The following SEMA3E variants were observed in gnomAD, a reference collection of about 807,000 sequenced individuals.
SEMA3E encodes semaphorin-3E.
Under a neutral mutation model 93.6 loss-of-function variants are expected in SEMA3E, and 49 were observed. The observed-to-expected ratio is 0.52, with a 90% CI of 0.42 to 0.66. SEMA3E has a LOEUF of 0.66. Among genes scored for constraint, SEMA3E ranks in the 30% least tolerant of loss-of-function variants. The pLI, the probability that SEMA3E is intolerant of heterozygous loss-of-function variation, is 0.00. For missense variants in SEMA3E, 906 were observed against 964.8 expected (o/e 0.94, Z 0.81); for synonymous variants, 363 against 330.7 (o/e 1.10, Z -1.06).
chr7:83,591,347 G>A (rs886885025), intron 1 of SEMA3E, among the ~76,000 whole-genome samples: 7 of 151,904 alleles, frequency 4.6e-5, no homozygotes, highest in African/African-American at 1.2e-4. Context: ...TTTTGTTACT[G>A]TTAAAATGCT....
intron 10 of SEMA3E, among the ~76,000 whole-genome samples, chr7:83,402,269 T>C (rs1788246354): frequency 1.3e-5 from 2 of 151,948 alleles, no homozygotes; most frequent in Non-Finnish European, 2.9e-5. Flanking sequence ...AAATTATATG[T>C]GGTGCTAACT....
intron 1 of SEMA3E, among the ~76,000 whole-genome samples, chr7:83,538,624 G>T (rs1200126989): frequency 6.6e-6 from 1 of 152,056 alleles, no homozygotes; most frequent in Admixed American, 6.6e-5. Flanking sequence ...AAATGATTAA[G>T]ATATAAAATG....
chr7:83,384,651 A>T (rs114517562), intron 16 of SEMA3E, among the ~76,000 whole-genome samples: 1 of 151,788 alleles, frequency 6.6e-6, no homozygotes, highest in Non-Finnish European at 1.5e-5. Context: ...ACATTCTTTT[A>T]TCCAGTAACT....
At position 83,365,135 on chromosome 7, in the gene SEMA3E, T is replaced by C. The variant is rs1172169879; in HGVS notation, c.*2451A>G. The C allele has an allele frequency of 1.3e-5, 2 of 151,650 alleles. No homozygotes were observed. The highest frequency in any genetic ancestry group is 2.9e-5 in the Non-Finnish European group (2 of 68,006). The allele number at this position is 151,650 out of a possible 1,614,324, so 9.4% of individuals were successfully genotyped here. On this transcript the variant is annotated 3_prime_UTR_variant, in exon 17 of 17. Transcript: ENST00000643230. ...GGCAGTGAAGATTTATTTTATAGTA[T>C]GTGAGGGGTGTGTGTGTGTGTGTGT...
At chr7:83,607,553 A>G (rs1253668525) in intron 1 of SEMA3E, among the ~76,000 whole-genome samples, 3 of 152,346 alleles carry the variant, frequency 2.0e-5, no homozygotes, top group African/African-American at 7.2e-5. Context: ...CTATACAAAT[A>G]TAAACTGGGT....
intron 1 of SEMA3E, among the ~76,000 whole-genome samples, chr7:83,541,504 T>C (rs1441057219): frequency 2.0e-5 from 3 of 152,102 alleles, no homozygotes; most frequent in East Asian, 3.9e-4. Flanking sequence ...TCTCTGTCAG[T>C]TTCTCTCCTC....
chr7:83,387,867 A>ATATATATGTTTATATATATATAACG (rs1562756873), intron 14 of SEMA3E, among the ~76,000 whole-genome samples: 21 of 139,626 alleles, frequency 1.5e-4, no homozygotes, highest in African/African-American at 5.5e-4. Context: ...TATATATAAC[A>ATATATATGTTTATATATATATAACG]TTATATATAT....
chr7:83,482,852 T>A (rs927379703), intron 2 of SEMA3E, among the ~76,000 whole-genome samples: 1 of 152,048 alleles, frequency 6.6e-6, no homozygotes, highest in Non-Finnish European at 1.5e-5. Context: ...AAATAGATTT[T>A]AAAAAATTGG....
chr7:83,619,672 A>G (rs922523469), intron 1 of SEMA3E, among the ~76,000 whole-genome samples: 1 of 151,922 alleles, frequency 6.6e-6, no homozygotes, highest in Admixed American at 6.6e-5. Flanking sequence ...GGATATACTA[A>G]GAAGGAGTTA....
chr7:83,648,628 G>T lies in SEMA3E; in HGVS notation c.-86C>A. The T allele has an allele frequency of 1.0e-6, 1 of 960,828 alleles. No homozygotes were observed. Among genetic ancestry groups the T allele is most frequent in the Non-Finnish European group, 1.7e-6 (1 of 604,472 alleles). The allele number at this position is 960,828 out of a possible 1,614,324, so 59.5% of individuals were successfully genotyped here. On this transcript the variant is annotated 5_prime_UTR_variant, in exon 1 of 17. Coordinates refer to ENST00000643230, the MANE Select transcript of SEMA3E (RefSeq NM_012431.3). ...TAGGACTTCCCTCCAGGGGCAGCGT[G>T]CGAGAGGCTTTGTCAGAAATCGAAC... is the stretch of plus-strand genomic sequence containing the variant.
chr7:83,421,313 T>G (rs1415503574), intron 4 of SEMA3E, among the ~76,000 whole-genome samples: 1 of 141,872 alleles, frequency 7.0e-6, no homozygotes, highest in African/African-American at 2.5e-5. Context: ...AATTTTAATA[T>G]AAGGCTTCAC....
chr7:83,369,173 A>G, intron 16 of SEMA3E, among the ~76,000 whole-genome samples: 1 of 152,212 alleles, frequency 6.6e-6, no homozygotes, highest in East Asian at 1.9e-4. Context: ...TGAGAATACA[A>G]AAATGAAAGC....
At chr7:83,588,620 T>C (rs1792684033) in intron 1 of SEMA3E, among the ~76,000 whole-genome samples, 1 of 152,198 alleles carries the variant, frequency 6.6e-6, no homozygotes, top group South Asian at 2.1e-4. Flanking sequence ...CTCATTACTA[T>C]AGATGCATTT....
In SEMA3E at chr7:83,392,609, G is replaced by T; in HGVS notation, c.1613C>A (p.Ala538Asp). 1 of 1,613,770 alleles carries T rather than the reference G, an allele frequency of 6.2e-7. No individual in the cohort carries two copies. The highest frequency in any genetic ancestry group is 8.5e-7 in the Non-Finnish European group (1 of 1,179,854). ...DCCLARDPYC[A>D]WDGISCSRYY... The stretch of plus-strand genomic sequence containing the variant: ...CCGGGAGCAGGATATGCCATCCCAG[G>T]CACAGTAAGGGTCTCGAGCCAGGCA... The change falls in exon 14 of 17, where the codon GCC (alanine) becomes GAC (aspartate). Residue 538 changes from alanine to aspartate, a missense_variant. Transcript: ENST00000643230.
At chr7:83,478,128 G>C (rs1219539738) in intron 2 of SEMA3E, among the ~76,000 whole-genome samples, 1 of 152,088 alleles carries the variant, frequency 6.6e-6, no homozygotes, top group Non-Finnish European at 1.5e-5. Context: ...TCTCCATGTT[G>C]GCAAGGCTGG....
At chr7:83,553,625 A>G (rs1264534486) in intron 1 of SEMA3E, among the ~76,000 whole-genome samples, 1 of 152,164 alleles carries the variant, frequency 6.6e-6, no homozygotes, top group Non-Finnish European at 1.5e-5. Flanking sequence ...AAATGAATGA[A>G]TTAACTTTGG....
At chr7:83,430,520 C>A (rs1788859999) in intron 4 of SEMA3E, among the ~76,000 whole-genome samples, 1 of 152,102 alleles carries the variant, frequency 6.6e-6, no homozygotes, top group African/African-American at 2.4e-5. Flanking sequence ...GAGTTCATGT[C>A]ATTTGCAGGG....
rs147860162 is a variant in SEMA3E, at chr7:83,627,775, G to T, written c.115+20653C>A. The stretch of plus-strand genomic sequence containing the variant: ...TAGGTCTTGACTCTTTATTCAATTT[G>T]CCAGTCTGTGTCTTTTAATTGGGGC... On this transcript the variant is annotated intron_variant, in intron 1 of 16. Transcript: ENST00000643230. Among the ~76,000 whole-genome samples the T allele has an allele frequency of 2.1e-3, 323 of 151,068 alleles. 1 individual carries two copies. Among genetic ancestry groups the T allele is most frequent in the African/African-American group, 7.6e-3 (311 of 41,158 alleles).
chr7:83,387,885 T>A (rs931483463), intron 14 of SEMA3E, among the ~76,000 whole-genome samples: 2 of 146,750 alleles, frequency 1.4e-5, no homozygotes, highest in African/African-American at 2.5e-5. Flanking sequence ...TATGTTTATA[T>A]ATATATAACA....
Sources: allele counts gnomAD v4.1 joint callset (sites outside exome capture counted in the v4.1 genomes callset), GRCh38; gene constraint gnomAD v4.1.1; transcripts MANE v1.5; gene names NCBI Gene and HGNC (gene_info 2026-07-23, HGNC 2026-07-21).